Variants in ACTMAP observed in about 807,000 individuals in gnomAD.
ACTMAP encodes UPF0692 protein C19orf54.
At chr19:40,743,816 A>G in the ACTMAP span, 1 of 1,515,246 alleles carries the variant, frequency 6.6e-7, no homozygotes, top group Non-Finnish European at 9.1e-7. Context: ...CTGGGGAGGC[A>G]CCAGCACAAG....
the ACTMAP span, chr19:40,743,901 C>T: frequency 6.2e-7 from 1 of 1,613,952 alleles, no homozygotes; most frequent in African/African-American, 1.3e-5. Flanking sequence ...GAGGGGGAAC[C>T]CACCTGCACT....
chr19:40,747,699 ATATATATGTACAAAAAAC>A, the ACTMAP span, among the ~76,000 whole-genome samples: 41 of 151,974 alleles, frequency 2.7e-4, no homozygotes, highest in Non-Finnish European at 4.7e-4. Context: ...CTACAAAAAA[ATATATATGTACAAAAAAC>A]TAGCCGGGCA....
the ACTMAP span, chr19:40,744,871 G>T: frequency 1.1e-6 from 1 of 937,272 alleles, no homozygotes; most frequent in Non-Finnish European, 1.6e-6. Flanking sequence ...GCGGGGGAGA[G>T]GTCACCTGAG....
chr19:40,743,616 G>A, the ACTMAP span, among the ~76,000 whole-genome samples: 3 of 152,162 alleles, frequency 2.0e-5, no homozygotes, highest in African/African-American at 7.2e-5. Context: ...TTCCAGATGG[G>A]GAAAGGAGCT....
At chr19:40,746,398 T>G in the ACTMAP span, among the ~76,000 whole-genome samples, 6 of 150,606 alleles carry the variant, frequency 4.0e-5, no homozygotes, top group African/African-American at 1.5e-4. Flanking sequence ...TTTTTGTTTT[T>G]GTTTTTGTTT....
the ACTMAP span, chr19:40,745,328 GC>G: frequency 2.3e-6 from 2 of 868,724 alleles, no homozygotes; most frequent in Non-Finnish European, 3.7e-6. Context: ...AAGGCTGAAG[GC>G]GGCTCCTGGT....
chr19:40,749,584 C>G, the ACTMAP span: 1 of 1,551,128 alleles, frequency 6.4e-7, no homozygotes, highest in Non-Finnish European at 8.7e-7. Context: ...TTCTCCAGGC[C>G]GAAGACATGA....
chr19:40,743,124 C>T, the ACTMAP span, among the ~76,000 whole-genome samples: 3 of 152,126 alleles, frequency 2.0e-5, no homozygotes, highest in Admixed American at 6.6e-5. Flanking sequence ...GAGCCTCCCC[C>T]GGACCTCCTG....
chr19:40,744,839 G>A, the ACTMAP span: 3 of 1,201,942 alleles, frequency 2.5e-6, no homozygotes, highest in Non-Finnish European at 3.4e-6. Flanking sequence ...AGAGCCCAGG[G>A]CTGGAGGGCT....
the ACTMAP span, chr19:40,749,491 G>A: frequency 6.5e-7 from 1 of 1,547,960 alleles, no homozygotes; most frequent in Non-Finnish European, 8.7e-7. Flanking sequence ...CGGTCCTTGT[G>A]TAGTTTCAGA....
chr19:40,745,026 G>A, the ACTMAP span: 2 of 1,368,060 alleles, frequency 1.5e-6, no homozygotes, highest in East Asian at 2.5e-5. Flanking sequence ...CCTCCTCCCA[G>A]CAGGGACAAT....
the ACTMAP span, chr19:40,744,234 G>A: frequency 6.6e-7 from 1 of 1,520,104 alleles, no homozygotes. Flanking sequence ...CTTGCTGCAT[G>A]TGCCCAGCAC....
chr19:40,742,140 GC>G, the ACTMAP span: 10 of 597,320 alleles, frequency 1.7e-5, no homozygotes, highest in Admixed American at 1.5e-4. Context: ...GAAGCAGAGG[GC>G]CCAGGCAGGA....
the ACTMAP span, chr19:40,742,411 C>T: frequency 6.9e-7 from 1 of 1,450,640 alleles, no homozygotes. Context: ...AGCTAGGCTG[C>T]AGCCTGAGAC....
At chr19:40,740,969 G>C in the ACTMAP span, 2 of 398,736 alleles carry the variant, frequency 5.0e-6, no homozygotes, top group Non-Finnish European at 8.8e-6. Context: ...AAGCAGGCTG[G>C]TTCACTCACT....
chr19:40,749,555 C>A, the ACTMAP span: 1 of 1,551,346 alleles, frequency 6.4e-7, no homozygotes, highest in Admixed American at 2.0e-5. Context: ...TATCAAAGGC[C>A]TCCTTCAGGA....
chr19:40,745,197 ACCTGAAGCAGAG>A, the ACTMAP span: 1 of 1,551,778 alleles, frequency 6.4e-7, no homozygotes, highest in Non-Finnish European at 8.7e-7. Context: ...TCACCTCGGA[ACCTGAAGCAGAG>A]CCGTGCTCAG....
the ACTMAP span, chr19:40,744,084 T>C: frequency 1.5e-5 from 25 of 1,613,736 alleles, no homozygotes; most frequent in South Asian, 6.6e-5. Context: ...GCAGGGGATG[T>C]CCAGTGACCA....
chr19:40,743,792 A>G, the ACTMAP span: 1 of 1,347,804 alleles, frequency 7.4e-7, no homozygotes, highest in Non-Finnish European at 1.0e-6. Context: ...GCTAATGCTA[A>G]GTGCCCAGCC....
Sources: gnomAD v4.1 joint callset for allele counts (sites outside exome capture counted in the v4.1 genomes callset) on GRCh38, gnomAD v4.1.1 for gene constraint, MANE v1.5 for transcripts, NCBI Gene and HGNC (gene_info 2026-07-23, HGNC 2026-07-21) for gene names.